The following XKR6 variants were observed in gnomAD, a reference collection of about 807,000 sequenced individuals.
XKR6 encodes the protein XK-related protein 6.
A neutral mutation model predicts 56.7 loss-of-function variants in XKR6; 22 were observed. That is an observed-to-expected ratio of 0.39 (90% CI 0.28 to 0.55). The LOEUF (loss-of-function observed/expected upper bound fraction) is 0.55, where lower values mean the gene tolerates loss of function less well. Ranked by LOEUF, XKR6 falls within the 20% of genes least tolerant of loss-of-function variation. XKR6 has a pLI of 0.66. For missense variants in XKR6, 852 were observed against 889.0 expected (o/e 0.96, Z 0.53); for synonymous variants, 524 against 387.8 (o/e 1.35, Z -4.13).
chr8:11,178,088 G>A (rs1048001735), intron 1 of XKR6, among the ~76,000 whole-genome samples: 5 of 152,078 alleles, frequency 3.3e-5, no homozygotes, highest in Admixed American at 6.6e-5. Context: ...GGTAGGAGCC[G>A]GGCCTTCCAA....
At chr8:11,086,381 C>T (rs1797891958) in intron 1 of XKR6, among the ~76,000 whole-genome samples, 1 of 152,216 alleles carries the variant, frequency 6.6e-6, no homozygotes, top group African/African-American at 2.4e-5. Context: ...GCCCGGCACA[C>T]AGTGGGTGCT....
chr8:10,938,026 C>A (rs1190220997), intron 1 of XKR6, among the ~76,000 whole-genome samples: 2 of 152,122 alleles, frequency 1.3e-5, no homozygotes, highest in Non-Finnish European at 2.9e-5. Flanking sequence ...AGTTTGATCT[C>A]AGACTGCTGT....
intron 2 of XKR6, among the ~76,000 whole-genome samples, chr8:10,904,061 C>A (rs1029293903): frequency 6.6e-6 from 1 of 152,208 alleles, no homozygotes; most frequent in Non-Finnish European, 1.5e-5. Context: ...TGGCAGCCTC[C>A]ACGGTTCCCT....
In XKR6 at chr8:11,201,385, G is replaced by A. The variant is rs760701409; in HGVS notation, c.-46C>T. ...CGGAGGTTGGGGGGGAGGGACGGCG[G>A]GGGGGGGGGGAAGAAGGCAGGGAAC... is the stretch of plus-strand genomic sequence containing the variant. On this transcript the variant is annotated 5_prime_UTR_variant, in exon 1 of 3. Coordinates refer to ENST00000416569, the MANE Select transcript of XKR6 (RefSeq NM_173683.4). The A allele has an allele frequency of 3.1e-6, 2 of 648,054 alleles. No homozygotes were observed. The highest frequency in any genetic ancestry group is 6.7e-5 in the African/African-American group (1 of 14,974). 40.1% of individuals were successfully genotyped at this position (648,054 alleles called of 1,614,324 possible). A position where few individuals can be genotyped will look rare whatever the true frequency, so the allele number is the denominator to read the frequency against.
At chr8:11,132,337 AACTT>A (rs1191282239) in intron 1 of XKR6, among the ~76,000 whole-genome samples, 1 of 151,914 alleles carries the variant, frequency 6.6e-6, no homozygotes, top group Non-Finnish European at 1.5e-5. Context: ...AAACCTAAAT[AACTT>A]ACTTTCTTTC....
chr8:10,911,236 GTA>G (rs1554508114), intron 2 of XKR6, among the ~76,000 whole-genome samples: 8 of 123,960 alleles, frequency 6.5e-5, no homozygotes, highest in Non-Finnish European at 1.2e-4. Context: ...GTGTGTGTGT[GTA>G]TAGAGAGAGA....
intron 1 of XKR6, among the ~76,000 whole-genome samples, chr8:11,153,871 A>G (rs935518533): frequency 6.6e-6 from 1 of 152,052 alleles, no homozygotes; most frequent in African/African-American, 2.4e-5. Context: ...GACTCCAACC[A>G]CTTATCATCC....
At chr8:11,095,367 T>C (rs1798235497) in intron 1 of XKR6, among the ~76,000 whole-genome samples, 1 of 152,238 alleles carries the variant, frequency 6.6e-6, no homozygotes. Flanking sequence ...TTTTTCTTTT[T>C]AAGAAGCTAC....
intron 1 of XKR6, among the ~76,000 whole-genome samples, chr8:11,010,522 T>C (rs901821052): frequency 2.0e-5 from 3 of 152,144 alleles, no homozygotes; most frequent in African/African-American, 4.8e-5. Flanking sequence ...ACAGGCACAA[T>C]GCCCTAGCAC....
chr8:11,114,545 G>C (rs890303567), intron 1 of XKR6, among the ~76,000 whole-genome samples: 1 of 152,118 alleles, frequency 6.6e-6, no homozygotes, highest in Non-Finnish European at 1.5e-5. Context: ...ATTTTTAGTA[G>C]ACACAGGGTT....
intron 1 of XKR6, among the ~76,000 whole-genome samples, chr8:10,950,048 A>C (rs546605024): frequency 6.6e-6 from 1 of 151,794 alleles, no homozygotes; most frequent in South Asian, 2.1e-4. Flanking sequence ...TTGCCCCTCC[A>C]CCCTTCCTGG....
chr8:11,053,119 T>G (rs1190233255), intron 1 of XKR6, among the ~76,000 whole-genome samples: 1 of 152,154 alleles, frequency 6.6e-6, no homozygotes, highest in African/African-American at 2.4e-5. Context: ...CAGGCTTCCT[T>G]CTGAGCCCCG....
At chr8:11,124,004 T>G in intron 1 of XKR6, 1 of 456,060 alleles carries the variant, frequency 2.2e-6, no homozygotes, top group Non-Finnish European at 4.4e-6. Flanking sequence ...TCTAAAACAG[T>G]CCTGTCTCTT....
chr8:11,195,185 C>G (rs890346726), intron 1 of XKR6: 2 of 703,142 alleles, frequency 2.8e-6, no homozygotes, highest in East Asian at 5.4e-5. Context: ...TAAATCTGCT[C>G]CTTCTTTTCC....
intron 1 of XKR6, chr8:11,108,540 A>G (rs1311659925): frequency 5.6e-6 from 2 of 358,790 alleles, no homozygotes; most frequent in East Asian, 1.5e-4. Flanking sequence ...GCCTAGGAGG[A>G]CTGTGGCTCA....
At chr8:11,002,366 G>A (rs1475151528) in intron 1 of XKR6, 4 of 302,518 alleles carry the variant, frequency 1.3e-5, no homozygotes, top group South Asian at 9.2e-5. Flanking sequence ...CCTTTGCAGG[G>A]GAAGGCTCAG....
chr8:11,087,464 A>C (rs1441929124), intron 1 of XKR6, among the ~76,000 whole-genome samples: 1 of 152,166 alleles, frequency 6.6e-6, no homozygotes, highest in Non-Finnish European at 1.5e-5. Context: ...AACGTGATGA[A>C]GTTTGGCCAA....
At chr8:11,107,570 C>T (rs1034885978) in intron 1 of XKR6, among the ~76,000 whole-genome samples, 2 of 152,166 alleles carry the variant, frequency 1.3e-5, no homozygotes, top group African/African-American at 2.4e-5. Context: ...ACAGAGAATG[C>T]AGATCTGGGC....
intron 1 of XKR6, among the ~76,000 whole-genome samples, chr8:11,062,328 A>G (rs1799856220): frequency 6.6e-6 from 1 of 152,200 alleles, no homozygotes; most frequent in South Asian, 2.1e-4. Context: ...GCCAACTGTG[A>G]CATATGATCT....
Sources: allele counts gnomAD v4.1 joint callset (sites outside exome capture counted in the v4.1 genomes callset), GRCh38; gene constraint gnomAD v4.1.1; transcripts MANE v1.5; gene names NCBI Gene and HGNC (gene_info 2026-07-23, HGNC 2026-07-21).